SKIC3: variants seen among roughly 807,000 people sequenced by gnomAD.
SKIC3 encodes SKI3 subunit of superkiller complex, also known as superkiller complex protein 3.
chr5:95,467,469 T>C, the SKIC3 span, among the ~76,000 whole-genome samples: 7 of 152,272 alleles, frequency 4.6e-5, no homozygotes, highest in Non-Finnish European at 8.8e-5. Flanking sequence ...TCAACCTGTA[T>C]AGTTTCCCCA....
chr5:95,485,271 C>T, the SKIC3 span, among the ~76,000 whole-genome samples: 1 of 152,190 alleles, frequency 6.6e-6, no homozygotes, highest in Non-Finnish European at 1.5e-5. Flanking sequence ...TTTGTAACCA[C>T]TTCTGTCCCC....
the SKIC3 span, among the ~76,000 whole-genome samples, chr5:95,553,644 C>G: frequency 6.6e-6 from 1 of 152,130 alleles, no homozygotes; most frequent in East Asian, 1.9e-4. Context: ...ACTGCAACCT[C>G]CACCTCCTGG....
chr5:95,497,422 A>G, the SKIC3 span: 6 of 1,612,960 alleles, frequency 3.7e-6, no homozygotes, highest in Non-Finnish European at 5.1e-6. Flanking sequence ...TTACCTTTGC[A>G]TTTCGTTGAG....
the SKIC3 span, chr5:95,495,166 T>C: frequency 1.4e-6 from 1 of 695,568 alleles, no homozygotes; most frequent in Non-Finnish European, 2.5e-6. Context: ...AAGTATCAAT[T>C]TATTATTGTT....
the SKIC3 span, chr5:95,464,521 A>G: frequency 9.3e-7 from 1 of 1,071,230 alleles, no homozygotes; most frequent in African/African-American, 1.6e-5. Context: ...ATAGTTTAAA[A>G]AAATGTTGCT....
chr5:95,516,728 A>C, the SKIC3 span: 1 of 1,613,310 alleles, frequency 6.2e-7, no homozygotes, highest in Non-Finnish European at 8.5e-7. Context: ...ATTACTGTCG[A>C]GTCTCACTGC....
the SKIC3 span, chr5:95,525,532 C>A: frequency 6.2e-7 from 1 of 1,613,528 alleles, no homozygotes; most frequent in Non-Finnish European, 8.5e-7. Context: ...AATTCTATAG[C>A]CAAATAAAAA....
At chr5:95,470,000 G>T in the SKIC3 span, 1 of 1,432,346 alleles carries the variant, frequency 7.0e-7, no homozygotes. Flanking sequence ...TTTTTGAGAC[G>T]GAGTCTCGCT....
the SKIC3 span, chr5:95,482,525 T>G: frequency 2.5e-6 from 4 of 1,614,006 alleles, no homozygotes; most frequent in Non-Finnish European, 3.4e-6. Context: ...TTGTAGTTCT[T>G]CAAGTACAGC....
the SKIC3 span, chr5:95,516,305 T>G: frequency 6.2e-7 from 1 of 1,602,976 alleles, no homozygotes; most frequent in Non-Finnish European, 8.5e-7. Context: ...GACAATAATA[T>G]AGAAAACATT....
chr5:95,503,808 A>G, the SKIC3 span: 3 of 1,613,392 alleles, frequency 1.9e-6, no homozygotes, highest in Non-Finnish European at 2.5e-6. Flanking sequence ...AGAGCAATAT[A>G]CTTACCTTTG....
At chr5:95,475,727 C>T in the SKIC3 span, among the ~76,000 whole-genome samples, 1 of 152,218 alleles carries the variant, frequency 6.6e-6, no homozygotes, top group Admixed American at 6.5e-5. Flanking sequence ...GGGCTCTGTA[C>T]AGGATCTTTA....
chr5:95,525,380 C>T, the SKIC3 span: 2 of 1,608,070 alleles, frequency 1.2e-6, no homozygotes, highest in Non-Finnish European at 8.5e-7. Flanking sequence ...GTTCTATGAG[C>T]AATTTATATA....
At chr5:95,536,547 A>G in the SKIC3 span, 1 of 392,168 alleles carries the variant, frequency 2.5e-6, no homozygotes, top group Non-Finnish European at 4.6e-6. Context: ...TCTATAAAAA[A>G]TTCAAGACCC....
At chr5:95,540,608 T>C in the SKIC3 span, 2 of 1,539,784 alleles carry the variant, frequency 1.3e-6, no homozygotes, top group African/African-American at 2.7e-5. Context: ...AAAATGACAA[T>C]GATCAATTAT....
chr5:95,542,743 G>A, the SKIC3 span, among the ~76,000 whole-genome samples: 4 of 152,106 alleles, frequency 2.6e-5, no homozygotes, highest in South Asian at 2.1e-4. Flanking sequence ...GAAAAAGTTG[G>A]AGAATCTAAG....
the SKIC3 span, among the ~76,000 whole-genome samples, chr5:95,507,856 G>C: frequency 6.6e-6 from 1 of 151,948 alleles, no homozygotes; most frequent in Non-Finnish European, 1.5e-5. Flanking sequence ...CCAAGTGACT[G>C]TGGAGATGCC....
At chr5:95,547,222 G>A in the SKIC3 span, 6 of 1,439,328 alleles carry the variant, frequency 4.2e-6, no homozygotes, top group Non-Finnish European at 5.8e-6. Context: ...AACAAACTTA[G>A]CCATCTGAAA....
chr5:95,531,630 T>A, the SKIC3 span, among the ~76,000 whole-genome samples: 340 of 152,332 alleles, frequency 2.2e-3, 1 homozygote, highest in Non-Finnish European at 4.1e-3. Flanking sequence ...CACAGTCTGC[T>A]GAGCCCTATC....
Sources: gnomAD v4.1 joint callset for allele counts (sites outside exome capture counted in the v4.1 genomes callset) on GRCh38, gnomAD v4.1.1 for gene constraint, MANE v1.5 for transcripts, NCBI Gene and HGNC (gene_info 2026-07-23, HGNC 2026-07-21) for gene names.